The following DDX60 variants were observed in gnomAD, a reference collection of about 807,000 sequenced individuals.
DDX60 encodes probable ATP-dependent RNA helicase DDX60.
A neutral mutation model predicts 212.8 loss-of-function variants in DDX60; 165 were observed. That is an observed-to-expected ratio of 0.78 (90% CI 0.68 to 0.88). DDX60 has a LOEUF of 0.88. DDX60 is among the 40% of genes least tolerant of loss of function. DDX60 has a pLI of 0.00. For missense variants in DDX60, 1,905 were observed against 2,003.9 expected (o/e 0.95, Z 0.94); for synonymous variants, 703 against 685.3 (o/e 1.03, Z -0.40).
chr4:168,246,239 A>G (rs12499590), intron 30 of DDX60, among the ~76,000 whole-genome samples, 179 bp downstream of exon 30: 8,843 of 152,196 alleles, frequency 0.058, 438 homozygotes, highest in East Asian at 0.15. Context: ...TGGTGGAAAC[A>G]AACAAAACTG....
At chr4:168,254,360 G>GT (rs1734327857) in intron 26 of DDX60, among the ~76,000 whole-genome samples, 1 of 152,050 alleles carries the variant, frequency 6.6e-6, no homozygotes, top group Non-Finnish European at 1.5e-5. Flanking sequence ...CTGTCCCTGG[G>GT]TTTTTACCTC....
At chr4:168,287,414 T>C (rs548445725) in intron 9 of DDX60, among the ~76,000 whole-genome samples, 4 of 152,330 alleles carry the variant, frequency 2.6e-5, no homozygotes, top group African/African-American at 9.6e-5. Flanking sequence ...TTATTGTTAA[T>C]AACTAAGTAT....
rs941621568 is a variant in DDX60, at chr4:168,224,123, A to C, written c.4824+120T>G. On this transcript the variant is annotated intron_variant, in intron 35 of 37. Coordinates refer to ENST00000393743, the MANE Select transcript of DDX60 (RefSeq NM_017631.6). ...AATTCCTGAATATATCTGTTGATAC[A>C]CCCAGATTTTTTTTTTCCTTTTTAA... 6.7e-6 allele frequency: 7 copies of C among 1,049,946 alleles called. No individual in the cohort carries two copies. In the African/African-American group the frequency reaches 8.1e-5, roughly 12 times the overall value. 65.0% of individuals were successfully genotyped at this position (1,049,946 alleles called of 1,614,324 possible).
At chr4:168,228,495 T>A (rs1733335232) in intron 33 of DDX60, among the ~76,000 whole-genome samples, 2 of 152,196 alleles carry the variant, frequency 1.3e-5, no homozygotes, top group South Asian at 4.1e-4. Context: ...TTTCCTTTTG[T>A]TAACATGTAT....
intron 14 of DDX60, among the ~76,000 whole-genome samples, chr4:168,277,710 G>C (rs1385875412): frequency 6.6e-6 from 1 of 151,256 alleles, no homozygotes; most frequent in Non-Finnish European, 1.5e-5. Flanking sequence ...TCAGGAGGCT[G>C]AGGGAGGAGA....
chr4:168,307,408 T>C (rs891176879), intron 4 of DDX60, among the ~76,000 whole-genome samples: 2 of 152,166 alleles, frequency 1.3e-5, no homozygotes, highest in Non-Finnish European at 2.9e-5. Context: ...AAAAATAGTA[T>C]TATTTTGGAA....
intron 13 of DDX60, among the ~76,000 whole-genome samples, chr4:168,281,034 G>A (rs1735570097): frequency 6.6e-6 from 1 of 152,158 alleles, no homozygotes; most frequent in Admixed American, 6.5e-5. Flanking sequence ...CAGCTACTTG[G>A]GAGGCTGAGG....
intron 33 of DDX60, among the ~76,000 whole-genome samples, chr4:168,227,467 T>C (rs1226360969): frequency 6.6e-6 from 1 of 152,084 alleles, no homozygotes; most frequent in Non-Finnish European, 1.5e-5. Context: ...TAATGAGTTT[T>C]GCTAGACATT....
intron 27 of DDX60, 151 bp downstream of exon 27, chr4:168,252,358 A>G (rs1222609788): frequency 2.2e-6 from 2 of 902,892 alleles, no homozygotes; most frequent in East Asian, 2.8e-5. Flanking sequence ...TTCAAGAGTG[A>G]TATGTAGCTA....
intron 18 of DDX60, 141 bp from the exon 19 acceptor site, chr4:168,272,279 A>G: frequency 4.4e-6 from 3 of 677,340 alleles, no homozygotes; most frequent in Non-Finnish European, 7.3e-6. Flanking sequence ...CTGAGAATTC[A>G]GGGTTTCATC....
At position 168,246,025 on chromosome 4, in the gene DDX60, T is replaced by C. The variant is rs1578993910; in HGVS notation, c.4164+393A>G. 2.0e-5 allele frequency among the ~76,000 whole-genome samples: 3 copies of C among 152,328 alleles called. No homozygotes were observed. In the South Asian group the frequency reaches 6.2e-4, roughly 32 times the overall value. ...TCCTAAGTTTGAGTTACTTTTTTTA[T>C]GAAACACTTAAACCTTTTTGTTACA... is the stretch of plus-strand genomic sequence containing the variant. On this transcript the variant is annotated intron_variant, in intron 30 of 37. Coordinates refer to ENST00000393743, the MANE Select transcript of DDX60 (RefSeq NM_017631.6).
At chr4:168,265,924 C>A (rs940579154) in intron 22 of DDX60, among the ~76,000 whole-genome samples, 3 of 151,208 alleles carry the variant, frequency 2.0e-5, no homozygotes, top group South Asian at 2.1e-4. Context: ...GAATAAAGTG[C>A]CTTTTATTCT....
chr4:168,306,733 A>C lies in DDX60; in HGVS notation c.265-13T>G. ...CATACTCGGCATCCTGTGGAGGAGG[A>C]GGTGAAGTACATTTTATTTCAAAAT... On this transcript the variant is annotated splice_polypyrimidine_tract_variant and intron_variant, in intron 4 of 37. Transcript: ENST00000393743. 6.3e-7 allele frequency: 1 copy of C among 1,575,542 alleles called. No individual in the cohort carries two copies. Among genetic ancestry groups the C allele is most frequent in the Non-Finnish European group, 8.7e-7 (1 of 1,150,086 alleles).
At chr4:168,269,958 T>C (rs1015017304) in intron 19 of DDX60, among the ~76,000 whole-genome samples, 1 of 152,138 alleles carries the variant, frequency 6.6e-6, no homozygotes, top group African/African-American at 2.4e-5. Flanking sequence ...TATTCCAGAG[T>C]TGCCTCCTCC....
intron 19 of DDX60, among the ~76,000 whole-genome samples, chr4:168,270,301 A>C (rs1735033461): frequency 6.6e-6 from 1 of 152,360 alleles, no homozygotes; most frequent in South Asian, 2.1e-4. Context: ...TATGACACCT[A>C]GCAAGCAACT....
rs1374614827 is a variant in DDX60 at position 168,237,351 on chromosome 4, T to C, written c.4346A>G (p.Asn1449Ser). 2 of 1,596,136 alleles carry C rather than the reference T, an allele frequency of 1.3e-6. No homozygotes were observed. The highest frequency in any genetic ancestry group is 1.7e-6 in the Non-Finnish European group (2 of 1,171,572). Residue 1449 changes from asparagine to serine, a missense_variant, in exon 32 of 38, where the codon AAT becomes AGT. By Grantham distance (46) the Asn-to-Ser change is conservative (BLOSUM62 1). Transcript: ENST00000393743. The stretch of plus-strand genomic sequence containing the variant: ...TACAAGAAAACTGACAAAAACAAGA[T>C]TAGAAGGTTCATGATAATGCAAATG... ...VSHLHYHEPS[N>S]LVFVSFLVNG... is the part of the protein sequence containing the mutation.
intron 2 of DDX60, 33 bp from the exon 3 acceptor site, chr4:168,311,100 G>A: frequency 6.9e-7 from 1 of 1,456,488 alleles, no homozygotes; most frequent in African/African-American, 1.4e-5. Context: ...AAAGAGAATG[G>A]GTTATTTTTC....
In DDX60 at chr4:168,216,823, G is replaced by C. The variant is rs901151718; in HGVS notation, c.*110C>G. ...TTTGCTCTTTCCACTTCATCGTAAT[G>C]TATTTCCACTTTATCATAATGTATT... is the stretch of plus-strand genomic sequence containing the variant. On this transcript the variant is annotated 3_prime_UTR_variant, in exon 38 of 38. Transcript: ENST00000393743. 1 of 649,166 alleles carries C rather than the reference G, an allele frequency of 1.5e-6. No homozygotes were observed. The highest frequency in any genetic ancestry group is 2.6e-6 in the Non-Finnish European group (1 of 389,728). The allele number at this position is 649,166 out of a possible 1,614,324, so 40.2% of individuals were successfully genotyped here. A position where few individuals can be genotyped will look rare whatever the true frequency, so the allele number is the denominator to read the frequency against.
chr4:168,237,338 G>A lies in DDX60; in HGVS notation c.4359C>T (p.Val1453=). The A allele has an allele frequency of 6.3e-7, 1 of 1,591,350 alleles. No homozygotes were observed. The highest frequency in any genetic ancestry group is 8.6e-7 in the Non-Finnish European group (1 of 1,169,364). ...HYHEPSNLVF[V]SFLVNGLFHD... Reference sequence around the variant, plus strand: ...GGAAGAGTCCATTTACAAGAAAACTGACAAAAACAAGATTAGAAGGTTCAT... The same window carrying A: ...GGAAGAGTCCATTTACAAGAAAACTAACAAAAACAAGATTAGAAGGTTCAT... Residue 1453 remains valine (V), a synonymous_variant, in exon 32 of 38, where the codon GTC becomes GTT. Transcript: ENST00000393743.
Sources: allele counts gnomAD v4.1 joint callset (sites outside exome capture counted in the v4.1 genomes callset), GRCh38; gene constraint gnomAD v4.1.1; transcripts MANE v1.5; gene names NCBI Gene and HGNC (gene_info 2026-07-23, HGNC 2026-07-21).